The following RORA variants were observed in gnomAD, a reference collection of about 807,000 sequenced individuals.
RORA encodes nuclear receptor ROR-alpha.
A neutral mutation model predicts 69.5 loss-of-function variants in RORA; 7 were observed. The observed-to-expected ratio is 0.10, with a 90% confidence interval of 0.06 to 0.19. The LOEUF (loss-of-function observed/expected upper bound fraction) is 0.19, where lower values mean the gene tolerates loss of function less well. Among genes scored for constraint, RORA ranks in the 10% least tolerant of loss-of-function variants. The pLI is 1.00. For synonymous variants in RORA, 261 were observed against 240.8 expected, an observed-to-expected ratio of 1.08 and a Z score of -0.78; for missense variants, 457 against 663.0, an observed-to-expected ratio of 0.69 and a Z score of 3.41.
intron 1 of RORA, among the ~76,000 whole-genome samples, chr15:61,096,812 G>A (rs1291374227): frequency 6.6e-6 from 1 of 152,180 alleles, no homozygotes; most frequent in Non-Finnish European, 1.5e-5. Context: ...GCCATTTTGT[G>A]AGTGTTCGTG....
intron 1 of RORA, among the ~76,000 whole-genome samples, chr15:60,952,533 T>C (rs1366667200): frequency 6.6e-6 from 1 of 151,850 alleles, no homozygotes; most frequent in Non-Finnish European, 1.5e-5. Context: ...ATTGTATATC[T>C]AGAAAACCCC....
intron 2 of RORA, among the ~76,000 whole-genome samples, chr15:60,561,579 A>C (rs1287215055): frequency 6.6e-6 from 1 of 152,194 alleles, no homozygotes; most frequent in Non-Finnish European, 1.5e-5. Flanking sequence ...AAGCTTTAAC[A>C]ACATGGCTCT....
chr15:61,210,835 T>C (rs777554610), intron 1 of RORA, among the ~76,000 whole-genome samples: 12 of 152,208 alleles, frequency 7.9e-5, no homozygotes, highest in Admixed American at 7.2e-4. Context: ...CAAGCTGACA[T>C]AGGACCCTTT....
chr15:60,665,043 G>A (rs1165057858), intron 2 of RORA, among the ~76,000 whole-genome samples: 1 of 152,192 alleles, frequency 6.6e-6, no homozygotes, highest in African/African-American at 2.4e-5. Context: ...GCTAAACTAA[G>A]GAAACATACT....
Position 60,490,427 on chromosome 15 carries a change from T to C in RORA, c.*7028A>G, listed in dbSNP as rs1411142307. On this transcript the variant is annotated 3_prime_UTR_variant, in exon 11 of 11. Transcript: ENST00000335670. This position sits in a 1 kb window ranked among gnomAD's most constrained non-coding sequence, Gnocchi z 4.1. ...AAATATTTGCACTGAGTAGGCTGTT[T>C]ATAATATAACATTTTCTTATCTATA... 6.6e-6 allele frequency: 1 copy of C among 152,130 alleles called. No homozygotes were observed. Among genetic ancestry groups the C allele is most frequent in the Non-Finnish European group, 1.5e-5 (1 of 67,964 alleles). 9.4% of individuals were successfully genotyped at this position (152,130 alleles called of 1,614,324 possible).
chr15:60,662,141 G>A (rs1420874185), intron 2 of RORA, among the ~76,000 whole-genome samples: 1 of 152,178 alleles, frequency 6.6e-6, no homozygotes, highest in Non-Finnish European at 1.5e-5. Flanking sequence ...AATTATTTCT[G>A]AGAAGCTTTT....
At position 61,118,163 on chromosome 15, in the gene RORA, A is replaced by G. The variant is rs914849063; in HGVS notation, c.166+110890T>C. Among the ~76,000 whole-genome samples the G allele has an allele frequency of 3.3e-5, 5 of 152,214 alleles. 1 individual carries two copies. Among genetic ancestry groups the G allele is most frequent in the Non-Finnish European group, 7.3e-5 (5 of 68,036 alleles). ...CCTACAGTGTGGTGGGAACATTAATACAGATATACAGAGAGTATTGGAAAG... is the reference window on the plus strand; with the variant it reads ...CCTACAGTGTGGTGGGAACATTAATGCAGATATACAGAGAGTATTGGAAAG... On this transcript the variant is annotated intron_variant, in intron 1 of 10. Transcript: ENST00000335670.
chr15:61,038,134 T>C (rs1184964088), intron 1 of RORA, among the ~76,000 whole-genome samples: 1 of 152,204 alleles, frequency 6.6e-6, no homozygotes, highest in Non-Finnish European at 1.5e-5. Context: ...TAGAAATACT[T>C]TTCTTTTTTC....
intron 1 of RORA, among the ~76,000 whole-genome samples, chr15:60,679,880 C>T (rs1464012158): frequency 2.6e-5 from 4 of 152,080 alleles, no homozygotes; most frequent in South Asian, 4.1e-4. Context: ...TCAAATTCTT[C>T]TCCCCGACCC....
At chr15:60,666,272 A>G (rs1327989672) in intron 2 of RORA, among the ~76,000 whole-genome samples, 1 of 151,396 alleles carries the variant, frequency 6.6e-6, no homozygotes, top group Non-Finnish European at 1.5e-5. Flanking sequence ...GGCTCAAGCA[A>G]TCCTCCCAGC....
intron 1 of RORA, among the ~76,000 whole-genome samples, chr15:61,184,924 G>GCA (rs745485883): frequency 1.9e-4 from 28 of 146,040 alleles, no homozygotes; most frequent in Non-Finnish European, 3.7e-4. Context: ...GTTCAAGGCT[G>GCA]CACTGAGCTA....
chr15:60,944,671 G>C (rs999090471), intron 1 of RORA, among the ~76,000 whole-genome samples: 1 of 142,580 alleles, frequency 7.0e-6, no homozygotes, highest in Admixed American at 7.3e-5. Flanking sequence ...GTTGCAGTGA[G>C]CTGAGATCAT....
intron 1 of RORA, among the ~76,000 whole-genome samples, chr15:60,816,656 G>C (rs1255565923): frequency 6.6e-6 from 1 of 150,550 alleles, no homozygotes; most frequent in Non-Finnish European, 1.5e-5. Flanking sequence ...AAAGGGTGCA[G>C]CACACCAACA....
At chr15:61,119,385 ATATG>A (rs1364654251) in intron 1 of RORA, among the ~76,000 whole-genome samples, 1 of 32,270 alleles carries the variant, frequency 3.1e-5, no homozygotes, top group Middle Eastern at 0.029. Context: ...TTTTTTTTGT[ATATG>A]TATATATATA....
chr15:61,051,303 G>C lies in RORA; in HGVS notation c.166+177750C>G, dbSNP rs1897279673. Reference sequence around the variant, plus strand: ...TGGGAACAGCAGAAAGTAGGGGCTGGCTACCTACTTTCCACTACCCCTATC... The same window carrying C: ...TGGGAACAGCAGAAAGTAGGGGCTGCCTACCTACTTTCCACTACCCCTATC... On this transcript the variant is annotated intron_variant, in intron 1 of 10. Coordinates refer to ENST00000335670, the MANE Select transcript of RORA (RefSeq NM_134261.3). Among the ~76,000 whole-genome samples, 6 of 152,090 alleles carry C rather than the reference G, an allele frequency of 3.9e-5. No individual in the cohort carries two copies. The South Asian group carries it at 1.2e-3, about 32-fold the overall frequency.
At chr15:60,922,898 G>A (rs1595818881) in intron 1 of RORA, among the ~76,000 whole-genome samples, 1 of 152,320 alleles carries the variant, frequency 6.6e-6, no homozygotes, top group Admixed American at 6.5e-5. Flanking sequence ...AAATGGCAGA[G>A]CAGATACTAT....
chr15:60,645,706 A>G (rs2070028780), intron 2 of RORA, among the ~76,000 whole-genome samples: 1 of 152,132 alleles, frequency 6.6e-6, no homozygotes, highest in Non-Finnish European at 1.5e-5. Flanking sequence ...TTACAGATCA[A>G]TTAGAAGTCA....
chr15:60,731,520 AGCC>A (rs1567171972), intron 1 of RORA, among the ~76,000 whole-genome samples: 1 of 152,240 alleles, frequency 6.6e-6, no homozygotes, highest in Non-Finnish European at 1.5e-5. Context: ...ATTCCAAATT[AGCC>A]GAAGAATCAG....
At chr15:60,934,497 GT>G (rs1555395541) in intron 1 of RORA, among the ~76,000 whole-genome samples, 5 of 134,060 alleles carry the variant, frequency 3.7e-5, no homozygotes, top group South Asian at 2.5e-4. Context: ...TGTTGTTGTT[GT>G]TTGTTTGTTT....
Sources: allele counts gnomAD v4.1 joint callset (sites outside exome capture counted in the v4.1 genomes callset), GRCh38; gene constraint gnomAD v4.1.1; non-coding constraint Gnocchi (gnomAD v3.1); transcripts MANE v1.5; gene names NCBI Gene and HGNC (gene_info 2026-07-23, HGNC 2026-07-21).